The following EPHA6 variants were observed in gnomAD, a reference collection of about 807,000 sequenced individuals.
EPHA6 encodes ephrin type-A receptor 6.
A neutral mutation model predicts 112.0 loss-of-function variants in EPHA6; 50 were observed. That is an observed-to-expected ratio of 0.45 (90% CI 0.36 to 0.56). The LOEUF is 0.56. EPHA6 is among the 20% of genes least tolerant of loss of function. EPHA6 has a pLI of 0.00. For missense variants in EPHA6, 1,280 were observed against 1,417.4 expected (o/e 0.90, Z 1.56); for synonymous variants, 529 against 490.7 (o/e 1.08, Z -1.03).
chr3:96,907,868 A>G (rs1236964099), intron 2 of EPHA6, among the ~76,000 whole-genome samples: 2 of 151,976 alleles, frequency 1.3e-5, no homozygotes, highest in East Asian at 1.9e-4. Flanking sequence ...GTATGAGTTC[A>G]TATATATGTT....
At chr3:97,652,424 GT>G (rs1208575698) in intron 14 of EPHA6, among the ~76,000 whole-genome samples, 2 of 151,966 alleles carry the variant, frequency 1.3e-5, no homozygotes, top group African/African-American at 4.8e-5. Context: ...AAATTTGGAT[GT>G]TTTCAATGAG....
At chr3:97,318,226 A>G (rs1309305125) in intron 5 of EPHA6, among the ~76,000 whole-genome samples, 2 of 152,010 alleles carry the variant, frequency 1.3e-5, no homozygotes, top group Non-Finnish European at 2.9e-5. Flanking sequence ...ATAGGAGGAC[A>G]TGTGACCTGG....
chr3:97,582,311 G>T (rs1220699856), intron 11 of EPHA6, among the ~76,000 whole-genome samples: 1 of 152,124 alleles, frequency 6.6e-6, no homozygotes, highest in Non-Finnish European at 1.5e-5. Context: ...TTGCAGGTGT[G>T]AGCCACCACG....
At chr3:97,623,021 G>T (rs1255959821) in intron 13 of EPHA6, among the ~76,000 whole-genome samples, 2 of 151,612 alleles carry the variant, frequency 1.3e-5, no homozygotes, top group Non-Finnish European at 3.0e-5. Flanking sequence ...GGAGATATAT[G>T]ATTTACAAGC....
chr3:97,300,725 G>T (rs1324829466), intron 5 of EPHA6, among the ~76,000 whole-genome samples: 1 of 152,086 alleles, frequency 6.6e-6, no homozygotes, highest in Non-Finnish European at 1.5e-5. Context: ...AGGGACAGGG[G>T]TCAGGGCAAG....
At chr3:97,167,469 C>T (rs551324604) in intron 3 of EPHA6, among the ~76,000 whole-genome samples, 1 of 152,084 alleles carries the variant, frequency 6.6e-6, no homozygotes, top group Admixed American at 6.5e-5. Flanking sequence ...GGTTTTTTTA[C>T]TCTACTGTAT....
intron 3 of EPHA6, among the ~76,000 whole-genome samples, chr3:96,994,732 T>TATATATAGAGAGAGAGAGAGAGAG (rs1170197805): frequency 1.9e-4 from 16 of 82,198 alleles, no homozygotes; most frequent in African/African-American, 9.0e-4. Context: ...TATATATATA[T>TATATATAGAGAGAGAGAGAGAGAG]AGAGAGAGAG....
At chr3:97,584,263 A>T (rs1003515152) in intron 11 of EPHA6, among the ~76,000 whole-genome samples, 5 of 152,206 alleles carry the variant, frequency 3.3e-5, no homozygotes, top group African/African-American at 1.2e-4. Flanking sequence ...GAGCATGTCA[A>T]GGAGAATAAG....
chr3:97,689,728 T>C (rs1425936668), intron 14 of EPHA6, among the ~76,000 whole-genome samples: 1 of 152,224 alleles, frequency 6.6e-6, no homozygotes, highest in African/African-American at 2.4e-5. Flanking sequence ...TGTGCAACTA[T>C]GACTGTACTC....
chr3:96,938,920 A>G (rs1388414239), intron 2 of EPHA6, among the ~76,000 whole-genome samples: 3 of 152,102 alleles, frequency 2.0e-5, no homozygotes, highest in Admixed American at 1.3e-4. Context: ...ATTGATTTGT[A>G]TGTGTTGAAC....
intron 6 of EPHA6, among the ~76,000 whole-genome samples, chr3:97,418,066 A>C (rs534396043): frequency 6.6e-6 from 1 of 152,194 alleles, no homozygotes; most frequent in Non-Finnish European, 1.5e-5. Flanking sequence ...TTAAAAAATA[A>C]TAAATGCAAT....
At chr3:97,003,066 A>T (rs1056449843) in intron 3 of EPHA6, among the ~76,000 whole-genome samples, 5 of 151,996 alleles carry the variant, frequency 3.3e-5, no homozygotes, top group African/African-American at 1.2e-4. Flanking sequence ...TGGGGAGGAG[A>T]AACAATGATC....
intron 7 of EPHA6, among the ~76,000 whole-genome samples, chr3:97,470,630 C>CT (rs2091201202): frequency 6.6e-6 from 1 of 151,278 alleles, no homozygotes; most frequent in Non-Finnish European, 1.5e-5. Flanking sequence ...TATGAAATCT[C>CT]TTTTTTAAGT....
chr3:97,737,491 T>C (rs1331131825), intron 16 of EPHA6, among the ~76,000 whole-genome samples: 1 of 151,992 alleles, frequency 6.6e-6, no homozygotes, highest in Non-Finnish European at 1.5e-5. Flanking sequence ...GGAAAACCAA[T>C]GCATCTTAGT....
intron 13 of EPHA6, among the ~76,000 whole-genome samples, chr3:97,615,550 T>C (rs886791234): frequency 6.6e-6 from 1 of 152,066 alleles, no homozygotes; most frequent in Admixed American, 6.6e-5. Flanking sequence ...CCTGGTGACA[T>C]TGTTGTACCT....
chr3:97,023,938 A>G (rs1266581807), intron 3 of EPHA6, among the ~76,000 whole-genome samples: 2 of 152,168 alleles, frequency 1.3e-5, no homozygotes, highest in African/African-American at 4.8e-5. Context: ...TACATAGGAA[A>G]ATAAAATGTC....
chr3:97,696,307 TG>T (rs2033036740), intron 14 of EPHA6, among the ~76,000 whole-genome samples: 1 of 152,232 alleles, frequency 6.6e-6, no homozygotes, highest in Non-Finnish European at 1.5e-5. Flanking sequence ...TCTCTTGATC[TG>T]GCATTGATGC....
At chr3:97,090,519 G>A (rs190941507) in intron 3 of EPHA6, among the ~76,000 whole-genome samples, 190 of 152,074 alleles carry the variant, frequency 1.2e-3, no homozygotes, top group Non-Finnish European at 2.4e-3. Context: ...TAGCACATAA[G>A]ATTTGAAAAT....
intron 10 of EPHA6, among the ~76,000 whole-genome samples, chr3:97,514,044 C>T (rs1024668227): frequency 2.0e-5 from 3 of 152,134 alleles, no homozygotes; most frequent in African/African-American, 7.2e-5. Context: ...TGCACCAAGA[C>T]CTATGCCATC....
Sources: gnomAD v4.1 joint callset for allele counts (sites outside exome capture counted in the v4.1 genomes callset) on GRCh38, gnomAD v4.1.1 for gene constraint, MANE v1.5 for transcripts, NCBI Gene and HGNC (gene_info 2026-07-23, HGNC 2026-07-21) for gene names.